The following HTR5A variants were observed in gnomAD, a reference collection of about 807,000 sequenced individuals.
The protein encoded by HTR5A is 5-hydroxytryptamine receptor 5A, also known as 5-HT-5.
In HTR5A, 21 loss-of-function variants were observed where a neutral mutation model predicts 24.3. That is an observed-to-expected ratio of 0.86 (90% CI 0.61 to 1.24). HTR5A has a LOEUF of 1.24. Ranked by LOEUF, HTR5A falls within the 50% of genes most tolerant of loss-of-function variation. The pLI is 0.00. For synonymous variants in HTR5A, 260 were observed against 213.7 expected (o/e 1.22, Z -1.89); for missense variants, 497 against 489.5 (o/e 1.02, Z -0.15).
intron 1 of HTR5A, among the ~76,000 whole-genome samples, chr7:155,077,800 A>G (rs1795374645): frequency 6.6e-6 from 1 of 152,048 alleles, no homozygotes; most frequent in South Asian, 2.1e-4. Context: ...TTTGTTTTTA[A>G]TTTTTAAAAA....
intron 1 of HTR5A, among the ~76,000 whole-genome samples, chr7:155,075,935 C>T (rs1289380031): frequency 6.6e-6 from 1 of 152,216 alleles, no homozygotes; most frequent in African/African-American, 2.4e-5. Context: ...TCCCTTTGGA[C>T]TCTTCATAAG....
chr7:155,075,791 C>T (rs1563420464), intron 1 of HTR5A, among the ~76,000 whole-genome samples: 1 of 152,106 alleles, frequency 6.6e-6, no homozygotes, highest in Non-Finnish European at 1.5e-5. Context: ...GGCCTGGGAG[C>T]TTAGGCTATA....
At position 155,070,531 on chromosome 7, in the gene HTR5A, A is replaced by G. The variant is rs1045500127; in HGVS notation, c.-369A>G. On this transcript the variant is annotated 5_prime_UTR_variant, in exon 1 of 2. Coordinates refer to ENST00000287907, the MANE Select transcript of HTR5A (RefSeq NM_024012.4). ...GCACCAGCCCCTCTCCTGCACCCAC[A>G]CGCTGCTGGCCGCCCAGCTTCTCCC... The G allele has an allele frequency of 1.1e-5, 4 of 362,298 alleles. No homozygotes were observed. Among genetic ancestry groups the G allele is most frequent in the African/African-American group, 2.1e-5 (1 of 47,326 alleles). The allele number at this position is 362,298 out of a possible 1,614,324, so 22.4% of individuals were successfully genotyped here.
chr7:155,082,261 C>T (rs780941970), intron 1 of HTR5A, among the ~76,000 whole-genome samples: 1 of 151,976 alleles, frequency 6.6e-6, no homozygotes, highest in Non-Finnish European at 1.5e-5. Flanking sequence ...TGACCAGCAT[C>T]CACAGTGTGA....
At chr7:155,073,921 A>T (rs1363326386) in intron 1 of HTR5A, among the ~76,000 whole-genome samples, 1 of 131,188 alleles carries the variant, frequency 7.6e-6, no homozygotes, top group Non-Finnish European at 1.7e-5. Context: ...ATATATGTAT[A>T]TATATATACT....
At chr7:155,078,751 C>CTTTTTTTTTTTTTTTTTTTTT (rs67688182) in intron 1 of HTR5A, among the ~76,000 whole-genome samples, 1 of 139,198 alleles carries the variant, frequency 7.2e-6, no homozygotes. Context: ...TTCTGTGCTT[C>CTTTTTTTTTTTTTTTTTTTTT]TTTTTTTTTT....
intron 1 of HTR5A, among the ~76,000 whole-genome samples, chr7:155,080,621 A>C (rs972018057): frequency 6.6e-5 from 10 of 152,268 alleles, no homozygotes; most frequent in Admixed American, 5.9e-4. Context: ...TTTGACTCAG[A>C]ATAGCGAGAG....
At chr7:155,073,999 A>G (rs1795333734) in intron 1 of HTR5A, among the ~76,000 whole-genome samples, 1 of 151,378 alleles carries the variant, frequency 6.6e-6, no homozygotes, top group African/African-American at 2.4e-5. Flanking sequence ...AAAGGACCCA[A>G]AATAATCCAG....
Position 155,084,396 on chromosome 7 carries a change from A to C in HTR5A, c.983A>C (p.Tyr328Ser). The C allele has an allele frequency of 6.2e-7, 1 of 1,613,964 alleles. No homozygotes were observed. The highest frequency in any genetic ancestry group is 8.5e-7 in the Non-Finnish European group (1 of 1,179,978). The change falls in exon 2 of 2, where the codon TAC becomes TCC. Residue 328 changes from tyrosine (Y) to serine (S), a missense_variant. Physicochemically the swap from Tyr to Ser is moderately radical, Grantham distance 144 (BLOSUM62 -2). Transcript: ENST00000287907. ...IWKSIFLWLG[Y>S]SNSFFNPLIY... is the part of the protein sequence containing the mutation. ...AAAAGCATCTTCCTGTGGCTTGGCT[A>C]CTCCAACTCCTTCTTTAACCCCCTG...
rs9769642 is a variant in HTR5A, at chr7:155,073,152, C to G, written c.741+1512C>G. Among the ~76,000 whole-genome samples, 1,445 of 151,986 alleles carry G rather than the reference C, an allele frequency of 9.5e-3. 25 individuals are homozygous for G. The highest frequency in any genetic ancestry group is 0.033 in the African/African-American group (1,375 of 41,482). On this transcript the variant is annotated intron_variant, in intron 1 of 1. Coordinates refer to ENST00000287907, the MANE Select transcript of HTR5A (RefSeq NM_024012.4). ...TGGCTAACATGGTGAAACCCCGTCT[C>G]TACTAAATATACAAAAAAATTAGCC... is the stretch of plus-strand genomic sequence containing the variant.
intron 1 of HTR5A, among the ~76,000 whole-genome samples, chr7:155,075,973 G>A (rs111257688): frequency 1.3e-5 from 2 of 152,278 alleles, no homozygotes; most frequent in African/African-American, 2.4e-5. Flanking sequence ...GGGCATTGGC[G>A]AGCCAGATTT....
At position 155,087,227 on chromosome 7, in the gene HTR5A, T is replaced by TA. The variant is rs3832466; in HGVS notation, c.*2749dup. 2.3e-3 allele frequency among the ~76,000 whole-genome samples: 350 copies of TA among 151,904 alleles called. 1 individual carries two copies. The highest frequency in any genetic ancestry group is 4.8e-3 in the Admixed American group (73 of 15,270). ...CCATATTGTAGGGATTAATTCTTGA[T>TA]AAAAAAAAAGCTTGTTATTTCTCTC... On this transcript the variant is annotated 3_prime_UTR_variant, in exon 2 of 2. Coordinates refer to ENST00000287907, the MANE Select transcript of HTR5A (RefSeq NM_024012.4).
At chr7:155,073,905 A>ATATATATATGTGTGTC (rs1554519653) in intron 1 of HTR5A, among the ~76,000 whole-genome samples, 1 of 88,036 alleles carries the variant, frequency 1.1e-5, no homozygotes, top group Non-Finnish European at 2.5e-5. Context: ...ATATATATAT[A>ATATATATATGTGTGTC]TATATATATA....
chr7:155,078,809 G>T (rs566511410), intron 1 of HTR5A, among the ~76,000 whole-genome samples: 3 of 132,728 alleles, frequency 2.3e-5, no homozygotes, highest in Admixed American at 8.4e-5. Flanking sequence ...TAACTAATTA[G>T]TACACATCTA....
At position 155,085,193 on chromosome 7, in the gene HTR5A, G is replaced by A. The variant is rs1585124359; in HGVS notation, c.*706G>A. On this transcript the variant is annotated 3_prime_UTR_variant, in exon 2 of 2. Transcript: ENST00000287907. ...AAATGCAATCCGTTGACATGAAACA[G>A]GCACTGAGGGTAACTACTTCCTTTC... The A allele has an allele frequency of 2.0e-5, 3 of 152,248 alleles. No individual in the cohort carries two copies. Among genetic ancestry groups the A allele is most frequent in the African/African-American group, 7.2e-5 (3 of 41,448 alleles). 9.4% of individuals were successfully genotyped at this position (152,248 alleles called of 1,614,324 possible).
intron 1 of HTR5A, among the ~76,000 whole-genome samples, chr7:155,082,027 T>C (rs1413009317): frequency 1.3e-5 from 2 of 152,226 alleles, no homozygotes; most frequent in Non-Finnish European, 2.9e-5. Context: ...ATATCACCAG[T>C]GTGATCATCA....
At position 155,070,561 on chromosome 7, in the gene HTR5A, C is replaced by A; in HGVS notation, c.-339C>A. On this transcript the variant is annotated 5_prime_UTR_variant, in exon 1 of 2. The change creates a new upstream start codon in the 5' untranslated region. Coordinates refer to ENST00000287907, the MANE Select transcript of HTR5A (RefSeq NM_024012.4). ...GCTGGCCGCCCAGCTTCTCCCCGAT[C>A]TGGGAGATGCTCGGCTCTGGGCGGC... 1 of 390,886 alleles carries A rather than the reference C, an allele frequency of 2.6e-6. No homozygotes were observed. Among genetic ancestry groups the A allele is most frequent in the Non-Finnish European group, 4.8e-6 (1 of 207,332 alleles). 24.2% of individuals were successfully genotyped at this position (390,886 alleles called of 1,614,324 possible).
chr7:155,073,949 T>C (rs1822086), intron 1 of HTR5A, among the ~76,000 whole-genome samples: 131,047 of 141,432 alleles, frequency 0.93, 61,318 homozygotes, highest in East Asian at 1. Context: ...CTCTCTACTT[T>C]TCCCAGATCA....
At chr7:155,076,402 T>A (rs564540412) in intron 1 of HTR5A, among the ~76,000 whole-genome samples, 97 of 152,338 alleles carry the variant, frequency 6.4e-4, no homozygotes, top group Non-Finnish European at 1.3e-3. Flanking sequence ...TTCATTTTTT[T>A]AACTTAATAT....
Sources: allele counts gnomAD v4.1 joint callset (sites outside exome capture counted in the v4.1 genomes callset), GRCh38; gene constraint gnomAD v4.1.1; transcripts MANE v1.5; gene names NCBI Gene and HGNC (gene_info 2026-07-23, HGNC 2026-07-21).